ADGRL2: variants seen among roughly 807,000 people sequenced by gnomAD.
The protein encoded by ADGRL2 is calcium-independent alpha-latrotoxin receptor 2.
In ADGRL2, 44 loss-of-function variants were observed where a neutral mutation model predicts 157.4. The ratio of observed to expected loss-of-function variants is 0.28; its 90% CI spans 0.22 to 0.36. ADGRL2 has a LOEUF of 0.36. Ranked by LOEUF, ADGRL2 falls within the 10% of genes least tolerant of loss-of-function variation. The pLI is 1.00. For missense variants in ADGRL2, 1,510 were observed against 1,768.9 expected (o/e 0.85, Z 2.63); for synonymous variants, 585 against 624.7 (o/e 0.94, Z 0.95).
At chr1:81,804,855 T>A (rs2088865361) in intron 1 of ADGRL2, among the ~76,000 whole-genome samples, 2 of 152,206 alleles carry the variant, frequency 1.3e-5, no homozygotes. Flanking sequence ...ACAATAGAAA[T>A]TTTGTGATTA....
intron 1 of ADGRL2, among the ~76,000 whole-genome samples, chr1:81,359,006 A>G (rs1201984473): frequency 6.6e-6 from 1 of 152,108 alleles, no homozygotes; most frequent in Non-Finnish European, 1.5e-5. Flanking sequence ...ATCCAGGGAA[A>G]GGAAAATAGT....
Position 81,672,157 on chromosome 1 carries a change from C to A in ADGRL2, c.-142-89654C>A, listed in dbSNP as rs1180438699. On this transcript the variant is annotated intron_variant, in intron 3 of 24. Transcript: ENST00000370721. Reference sequence around the variant, plus strand: ...CTTAGAATTGGGCTTTCAAGTGTTGCTTTAGCAGCCTTCTGTAGCCTTCTA... The same window carrying A: ...CTTAGAATTGGGCTTTCAAGTGTTGATTTAGCAGCCTTCTGTAGCCTTCTA... 2.6e-5 allele frequency among the ~76,000 whole-genome samples: 4 copies of A among 152,206 alleles called. No individual in the cohort carries two copies. In the East Asian group the frequency reaches 7.7e-4, roughly 29 times the overall value.
intron 2 of ADGRL2, among the ~76,000 whole-genome samples, chr1:81,510,429 C>A (rs1167952968): frequency 1.3e-5 from 2 of 151,992 alleles, no homozygotes; most frequent in Non-Finnish European, 2.9e-5. Flanking sequence ...TTATTAGAAC[C>A]AGAAGTGTTA....
At chr1:81,734,612 T>C (rs2084834793) in intron 1 of ADGRL2, among the ~76,000 whole-genome samples, 1 of 147,500 alleles carries the variant, frequency 6.8e-6, no homozygotes, top group Non-Finnish European at 1.5e-5. Flanking sequence ...AGGAAACGAA[T>C]ACAGTTATTG....
chr1:81,761,011 A>T (rs1312879123), intron 1 of ADGRL2, among the ~76,000 whole-genome samples: 1 of 151,948 alleles, frequency 6.6e-6, no homozygotes, highest in African/African-American at 2.4e-5. Context: ...AATTGTCTAA[A>T]AAAGAAGGTA....
At chr1:81,572,596 A>C (rs1050120726) in intron 2 of ADGRL2, among the ~76,000 whole-genome samples, 10 of 152,192 alleles carry the variant, frequency 6.6e-5, no homozygotes, top group Non-Finnish European at 2.9e-5. Context: ...CATTTCAGCT[A>C]TTTCCACTTT....
intron 1 of ADGRL2, among the ~76,000 whole-genome samples, chr1:81,347,233 T>C (rs1459528567): frequency 6.6e-6 from 1 of 152,008 alleles, no homozygotes; most frequent in Non-Finnish European, 1.5e-5. Flanking sequence ...ACGCTGTCTC[T>C]ACTAAAAAAC....
At chr1:81,407,769 C>G (rs1370554467) in intron 1 of ADGRL2, among the ~76,000 whole-genome samples, 1 of 151,992 alleles carries the variant, frequency 6.6e-6, no homozygotes, top group Non-Finnish European at 1.5e-5. Flanking sequence ...TGATGGTATG[C>G]ACATAAGAAA....
At chr1:81,924,234 T>A (rs1370924155) in intron 3 of ADGRL2, among the ~76,000 whole-genome samples, 1 of 150,590 alleles carries the variant, frequency 6.6e-6, no homozygotes, top group African/African-American at 2.5e-5. Flanking sequence ...AAAATAGCAG[T>A]TCCTCAGACT....
intron 1 of ADGRL2, among the ~76,000 whole-genome samples, chr1:81,324,820 G>T (rs192399527): frequency 2.0e-5 from 3 of 151,968 alleles, no homozygotes; most frequent in Non-Finnish European, 4.4e-5. Context: ...AGGTTCAAGC[G>T]ATTCCCCTGC....
At chr1:81,743,088 T>G (rs2085124112) in intron 1 of ADGRL2, among the ~76,000 whole-genome samples, 1 of 151,926 alleles carries the variant, frequency 6.6e-6, no homozygotes, top group African/African-American at 2.4e-5. Context: ...GAGACAAAAC[T>G]GAACAAATGA....
chr1:81,980,031 G>A (rs1459469046), intron 18 of ADGRL2, 71 bp downstream of exon 18: 1 of 826,586 alleles, frequency 1.2e-6, no homozygotes, highest in Non-Finnish European at 2.0e-6. Context: ...GGGAACACAG[G>A]GATTTCTACC....
chr1:81,349,141 C>T (rs1466313268), intron 1 of ADGRL2, among the ~76,000 whole-genome samples: 1 of 151,988 alleles, frequency 6.6e-6, no homozygotes, highest in Non-Finnish European at 1.5e-5. Context: ...AAATTGCCTC[C>T]CAAGAGCTAA....
chr1:81,705,536 T>C (rs540064387), intron 1 of ADGRL2, among the ~76,000 whole-genome samples: 31 of 151,834 alleles, frequency 2.0e-4, no homozygotes, highest in African/African-American at 7.2e-4. Flanking sequence ...GCGTGAGCCA[T>C]GCGCCCGGCT....
intron 2 of ADGRL2, among the ~76,000 whole-genome samples, chr1:81,459,887 C>G (rs2077890272): frequency 6.6e-6 from 1 of 151,620 alleles, no homozygotes; most frequent in South Asian, 2.1e-4. Context: ...TGTGGTGGCT[C>G]TATTTTTAAT....
intron 21 of ADGRL2, among the ~76,000 whole-genome samples, chr1:81,986,232 G>T (rs1273174946): frequency 6.6e-6 from 1 of 151,944 alleles, no homozygotes; most frequent in Non-Finnish European, 1.5e-5. Flanking sequence ...CATTCTGTTG[G>T]CGATCAAAAA....
chr1:81,370,088 T>C (rs2076135451), intron 1 of ADGRL2, among the ~76,000 whole-genome samples: 1 of 152,108 alleles, frequency 6.6e-6, no homozygotes. Flanking sequence ...GCTTCCTTTA[T>C]TCTACAGTGA....
intron 1 of ADGRL2, among the ~76,000 whole-genome samples, chr1:81,438,391 C>G (rs1180585407): frequency 6.6e-6 from 1 of 152,124 alleles, no homozygotes; most frequent in Non-Finnish European, 1.5e-5. Flanking sequence ...TTCATCACTT[C>G]CTAATTATTC....
At chr1:81,435,260 A>C (rs2077388689) in intron 1 of ADGRL2, among the ~76,000 whole-genome samples, 1 of 152,220 alleles carries the variant, frequency 6.6e-6, no homozygotes. Flanking sequence ...ACTGGAACTG[A>C]ATATTCACTA....
Sources: gnomAD v4.1 joint callset for allele counts (sites outside exome capture counted in the v4.1 genomes callset) on GRCh38, gnomAD v4.1.1 for gene constraint, MANE v1.5 for transcripts, NCBI Gene and HGNC (gene_info 2026-07-23, HGNC 2026-07-21) for gene names.